Variants in PRR11 observed in about 807,000 individuals in gnomAD.
The protein encoded by PRR11 is proline-rich protein 11.
In PRR11, 30 loss-of-function variants were observed where a neutral mutation model predicts 45.6. That is an observed-to-expected ratio of 0.66 (90% confidence interval 0.49 to 0.89). PRR11 has a LOEUF of 0.89. Ranked by LOEUF, PRR11 falls within the 40% of genes least tolerant of loss-of-function variation. The pLI is 0.00. For missense variants in PRR11, 373 were observed against 424.8 expected, an observed-to-expected ratio of 0.88 and a Z score of 1.07; for synonymous variants, 128 against 153.5, an observed-to-expected ratio of 0.83 and a Z score of 1.23.
chr17:59,205,259 C>T lies in PRR11; in HGVS notation c.*3628C>T, dbSNP rs1352914185. On this transcript the variant is annotated 3_prime_UTR_variant, in exon 10 of 10. Transcript: ENST00000262293. ...TCCTTAAACTACGATTTATCATATG[C>T]TCCCGGTGTTTACTTTGAGACTGAA... Among the ~76,000 whole-genome samples, 3 of 152,022 alleles carry T rather than the reference C, an allele frequency of 2.0e-5. No homozygotes were observed. Among genetic ancestry groups the T allele is most frequent in the Non-Finnish European group, 4.4e-5 (3 of 68,000 alleles).
At chr17:59,187,921 A>G (rs2046821943) in intron 4 of PRR11, among the ~76,000 whole-genome samples, 2 of 152,084 alleles carry the variant, frequency 1.3e-5, no homozygotes, top group Admixed American at 1.3e-4. Flanking sequence ...AAAGCCTCAA[A>G]GAATATTTGC....
intron 4 of PRR11, among the ~76,000 whole-genome samples, chr17:59,192,511 A>G (rs1159049533): frequency 2.6e-5 from 4 of 152,168 alleles, no homozygotes; most frequent in African/African-American, 4.8e-5. Context: ...TACAACAGAA[A>G]TTTACTTTCT....
At chr17:59,159,260 T>C (rs2046640393) in intron 1 of PRR11, among the ~76,000 whole-genome samples, 1 of 152,238 alleles carries the variant, frequency 6.6e-6, no homozygotes, top group Non-Finnish European at 1.5e-5. Context: ...AGTTTGGTAA[T>C]CAGCTCATAG....
intron 2 of PRR11, among the ~76,000 whole-genome samples, chr17:59,184,041 G>A (rs1476466927): frequency 2.6e-5 from 4 of 152,162 alleles, no homozygotes; most frequent in African/African-American, 9.7e-5. Context: ...GGACTTAGAA[G>A]CTGCAGTGAG....
intron 2 of PRR11, among the ~76,000 whole-genome samples, chr17:59,181,267 C>T (rs1171984396): frequency 2.0e-5 from 3 of 151,690 alleles, no homozygotes; most frequent in Admixed American, 6.6e-5. Context: ...GGATTACAGA[C>T]GTGAGCCACA....
chr17:59,190,479 CAAAAAAA>C (rs1002787885), intron 4 of PRR11, among the ~76,000 whole-genome samples: 6 of 126,578 alleles, frequency 4.7e-5, no homozygotes, highest in Non-Finnish European at 6.8e-5. Context: ...GACTCCATCT[CAAAAAAA>C]AAAAAAGAAA....
chr17:59,185,448 A>C lies in PRR11; in HGVS notation c.288A>C (p.Glu96Asp), dbSNP rs752987020. 7 of 1,598,706 alleles carry C rather than the reference A, an allele frequency of 4.4e-6. No individual in the cohort carries two copies. The highest frequency in any genetic ancestry group is 6.0e-6 in the Non-Finnish European group (7 of 1,169,096). Reference protein sequence around the residue: ...WCQNCITQSLEVLKDTIFPSR... With the variant: ...WCQNCITQSLDVLKDTIFPSR... Reference sequence around the variant, plus strand: ...TTTATTATTAATTTCAGAGTTTAGAAGTATTGAAAGACACCATCTTTCCAT... The same window carrying C: ...TTTATTATTAATTTCAGAGTTTAGACGTATTGAAAGACACCATCTTTCCAT... The change falls in exon 4 of 10, where the codon GAA (glutamate) becomes GAC (aspartate). Residue 96 changes from glutamate (E) to aspartate (D), a missense_variant. Physicochemically the swap from Glu to Asp is conservative, Grantham distance 45. Transcript: ENST00000262293.
chr17:59,165,838 C>T (rs2046677462), intron 1 of PRR11, among the ~76,000 whole-genome samples: 1 of 150,588 alleles, frequency 6.6e-6, no homozygotes, highest in Non-Finnish European at 1.5e-5. Context: ...CTTTAGACAT[C>T]CCTTGTGTTT....
chr17:59,190,019 G>A (rs898729606), intron 4 of PRR11, among the ~76,000 whole-genome samples: 1 of 152,016 alleles, frequency 6.6e-6, no homozygotes, highest in African/African-American at 2.4e-5. Context: ...TAGAATGAAT[G>A]TGTGTGTGTA....
chr17:59,202,609 TTAGG>T lies in PRR11; in HGVS notation c.*985_*988del, dbSNP rs1425254556. On this transcript the variant is annotated 3_prime_UTR_variant, in exon 10 of 10. Coordinates refer to ENST00000262293, the MANE Select transcript of PRR11 (RefSeq NM_018304.4). ...AAATTAGAATATCATTTCTAGCATC[TTAGG>T]TAGGTACTTATATCTGGCTTACAGA... The T allele has an allele frequency of 1.3e-5, 2 of 152,188 alleles. No homozygotes were observed. Among genetic ancestry groups the T allele is most frequent in the African/African-American group, 2.4e-5 (1 of 41,462 alleles). The allele number at this position is 152,188 out of a possible 1,614,324, so 9.4% of individuals were successfully genotyped here. A position where few individuals can be genotyped will look rare whatever the true frequency, so the allele number is the denominator to read the frequency against.
In PRR11 at chr17:59,181,912, C is replaced by T. The variant is rs199915909; in HGVS notation, c.129-3142C>T. 242 of 1,181,180 alleles carry T rather than the reference C, an allele frequency of 2.0e-4. 2 individuals carry two copies. The East Asian group carries it at 5.2e-3, about 25-fold the overall frequency. 73.2% of individuals were successfully genotyped at this position (1,181,180 alleles called of 1,614,324 possible). ...TTCTCCTCTGCTCAACCCCATGAGC[C>T]GCTCCTTCCCCTCCCCATTCTTCCG... On this transcript the variant is annotated intron_variant, in intron 2 of 9. Transcript: ENST00000262293.
chr17:59,192,756 C>G (rs935287130), intron 4 of PRR11, among the ~76,000 whole-genome samples: 1 of 152,124 alleles, frequency 6.6e-6, no homozygotes, highest in Non-Finnish European at 1.5e-5. Flanking sequence ...TCTTTAAAGA[C>G]CCTATCTCCA....
intron 2 of PRR11, among the ~76,000 whole-genome samples, chr17:59,172,766 G>A (rs1013467023): frequency 6.6e-6 from 1 of 152,252 alleles, no homozygotes; most frequent in Non-Finnish European, 1.5e-5. Flanking sequence ...CCGTGGGGCA[G>A]GGCTCGGGAC....
intron 1 of PRR11, among the ~76,000 whole-genome samples, chr17:59,163,244 G>A (rs1201077002): frequency 6.6e-6 from 1 of 151,884 alleles, no homozygotes; most frequent in African/African-American, 2.4e-5. Flanking sequence ...CCACATGCCT[G>A]GCTAAATTTT....
At chr17:59,174,802 G>T (rs1240457398) in intron 2 of PRR11, among the ~76,000 whole-genome samples, 1 of 152,098 alleles carries the variant, frequency 6.6e-6, no homozygotes, top group East Asian at 1.9e-4. Flanking sequence ...GCGATCTCGT[G>T]CCCACACCCA....
At chr17:59,180,217 G>A (rs992403849) in intron 2 of PRR11, among the ~76,000 whole-genome samples, 2 of 143,570 alleles carry the variant, frequency 1.4e-5, no homozygotes, top group African/African-American at 2.6e-5. Context: ...TGCAATCTCC[G>A]TCTCCCAGGT....
At chr17:59,188,088 C>A (rs1220828414) in intron 4 of PRR11, among the ~76,000 whole-genome samples, 1 of 152,074 alleles carries the variant, frequency 6.6e-6, no homozygotes, top group Non-Finnish European at 1.5e-5. Context: ...AACTAGGGAA[C>A]CTGAGGAATG....
chr17:59,167,291 A>C (rs1328795160), intron 1 of PRR11, among the ~76,000 whole-genome samples: 1 of 152,176 alleles, frequency 6.6e-6, no homozygotes, highest in Non-Finnish European at 1.5e-5. Flanking sequence ...TCAACATGTC[A>C]TTTATTTGTG....
chr17:59,161,724 G>A (rs1410649810), intron 1 of PRR11, among the ~76,000 whole-genome samples: 3 of 152,148 alleles, frequency 2.0e-5, no homozygotes, highest in Non-Finnish European at 4.4e-5. Flanking sequence ...AATCCAGCGT[G>A]GGCAACAGAG....
Sources: gnomAD v4.1 joint callset for allele counts (sites outside exome capture counted in the v4.1 genomes callset) on GRCh38, gnomAD v4.1.1 for gene constraint, MANE v1.5 for transcripts, NCBI Gene and HGNC (gene_info 2026-07-23, HGNC 2026-07-21) for gene names.